The following TCF12 variants were observed in gnomAD, a reference collection of about 807,000 sequenced individuals.
TCF12 encodes the protein DNA-binding protein HTF4.
In TCF12, 45 loss-of-function variants were observed where a neutral mutation model predicts 86.0. That is an observed-to-expected ratio of 0.52 (90% confidence interval 0.41 to 0.67). The LOEUF (loss-of-function observed/expected upper bound fraction) is 0.67. TCF12 is among the 30% of genes least tolerant of loss of function. The probability of loss-of-function intolerance (pLI) is 0.00; values close to 1 mark genes in which losing one functional copy is unlikely to be tolerated. For missense variants in TCF12, 881 were observed against 859.9 expected (o/e 1.02, Z -0.31); for synonymous variants, 330 against 299.6 (o/e 1.10, Z -1.05).
At chr15:56,940,938 T>A (rs2060741083) in intron 3 of TCF12, among the ~76,000 whole-genome samples, 1 of 150,630 alleles carries the variant, frequency 6.6e-6, no homozygotes, top group East Asian at 2.0e-4. Flanking sequence ...TTTTTTCTTT[T>A]TGGGTAGAGA....
intron 5 of TCF12, among the ~76,000 whole-genome samples, chr15:57,144,465 C>G (rs978454546): frequency 1.1e-4 from 17 of 152,332 alleles, no homozygotes; most frequent in Non-Finnish European, 2.2e-4. Context: ...AAACAAGTAG[C>G]ATTTAATTAC....
intron 3 of TCF12, among the ~76,000 whole-genome samples, chr15:56,965,018 T>A (rs1671610992): frequency 6.6e-6 from 1 of 152,128 alleles, no homozygotes; most frequent in Non-Finnish European, 1.5e-5. Flanking sequence ...ATCCAGAAAA[T>A]GATTTAGGTG....
chr15:57,006,645 G>A (rs559680537), intron 3 of TCF12, among the ~76,000 whole-genome samples: 3 of 152,180 alleles, frequency 2.0e-5, no homozygotes, highest in Admixed American at 2.0e-4. Flanking sequence ...GGCTGGGTGT[G>A]GTGGCTCGTG....
At chr15:57,161,438 T>C (rs1225590368) in intron 5 of TCF12, among the ~76,000 whole-genome samples, 3 of 152,248 alleles carry the variant, frequency 2.0e-5, no homozygotes, top group Non-Finnish European at 4.4e-5. Context: ...GAGCAATTTT[T>C]AGTTTAGGTC....
chr15:56,969,810 C>T (rs1388599257), intron 3 of TCF12, among the ~76,000 whole-genome samples: 1 of 152,048 alleles, frequency 6.6e-6, no homozygotes, highest in Non-Finnish European at 1.5e-5. Flanking sequence ...CAAATTTAAT[C>T]TGTGGGATTG....
At chr15:57,064,812 A>AAAAAAAAAAAAAAAAAAAAAAAAG (rs554263213) in intron 4 of TCF12, among the ~76,000 whole-genome samples, 1 of 123,420 alleles carries the variant, frequency 8.1e-6, no homozygotes, top group African/African-American at 2.9e-5. Flanking sequence ...AAAAAAAAAA[A>AAAAAAAAAAAAAAAAAAAAAAAAG]AGAGAGAGAG....
chr15:57,122,398 G>C (rs956932549), intron 5 of TCF12, among the ~76,000 whole-genome samples: 1 of 152,084 alleles, frequency 6.6e-6, no homozygotes, highest in Non-Finnish European at 1.5e-5. Flanking sequence ...ATATATACTA[G>C]TAACTACAGT....
At chr15:57,136,473 G>T (rs17819946) in intron 5 of TCF12, among the ~76,000 whole-genome samples, 1,697 of 152,284 alleles carry the variant, frequency 0.011, 17 homozygotes, top group Non-Finnish European at 0.016. Flanking sequence ...CATGATTTAA[G>T]TCACAGCTTT....
chr15:57,043,483 T>A (rs996049773), intron 3 of TCF12, among the ~76,000 whole-genome samples: 3 of 152,180 alleles, frequency 2.0e-5, no homozygotes, highest in Non-Finnish European at 2.9e-5. Context: ...ATAATAGTCA[T>A]CCTAATGGGT....
intron 8 of TCF12, 55 bp downstream of exon 8, chr15:57,197,880 CG>C (rs2057350534): frequency 8.3e-6 from 13 of 1,559,440 alleles, no homozygotes; most frequent in Non-Finnish European, 1.1e-5. Flanking sequence ...TCAAGTGTTC[CG>C]TATTACCTTG....
intron 3 of TCF12, among the ~76,000 whole-genome samples, chr15:57,008,819 G>A (rs1367975042): frequency 2.0e-5 from 3 of 152,086 alleles, no homozygotes; most frequent in Admixed American, 2.0e-4. Flanking sequence ...AAGCAAAATT[G>A]TAGATAATGC....
intron 11 of TCF12, among the ~76,000 whole-genome samples, chr15:57,233,345 T>A (rs1430061343): frequency 6.6e-6 from 1 of 151,590 alleles, no homozygotes; most frequent in Non-Finnish European, 1.5e-5. Flanking sequence ...TCAGCTAATT[T>A]TTTTTTACTT....
At chr15:57,254,496 G>T (rs570747482) in intron 16 of TCF12, among the ~76,000 whole-genome samples, 1 of 152,074 alleles carries the variant, frequency 6.6e-6, no homozygotes, top group South Asian at 2.1e-4. Flanking sequence ...TTGAAAATCA[G>T]TCTCCTTTTA....
chr15:56,931,953 T>G (rs1031395449), intron 3 of TCF12, among the ~76,000 whole-genome samples: 4 of 152,130 alleles, frequency 2.6e-5, no homozygotes, highest in Admixed American at 1.3e-4. Context: ...CCACTTAAAG[T>G]TTGTAGGGGT....
intron 3 of TCF12, among the ~76,000 whole-genome samples, chr15:56,971,722 T>C (rs1272169069): frequency 1.3e-5 from 2 of 152,232 alleles, no homozygotes; most frequent in Admixed American, 6.5e-5. Flanking sequence ...ATGAATTGTT[T>C]CTGGAATTTT....
chr15:57,166,376 A>G lies in TCF12; in HGVS notation c.326-26A>G, dbSNP rs1555524745. The stretch of plus-strand genomic sequence containing the variant: ...TCTGTCAATAAATGAAGGGTTTTAT[A>G]TAAAGTTAATTTCTTTGTTTTATAG... On this transcript the variant is annotated intron_variant, in intron 5 of 20. Coordinates refer to ENST00000333725, the MANE Select transcript of TCF12 (RefSeq NM_207037.2). 3.1e-6 allele frequency: 5 copies of G among 1,598,310 alleles called. No individual in the cohort carries two copies. The South Asian group carries it at 4.5e-5, about 14-fold the overall frequency.
intron 8 of TCF12, among the ~76,000 whole-genome samples, chr15:57,202,860 C>T (rs2057619204): frequency 6.6e-6 from 1 of 152,040 alleles, no homozygotes; most frequent in Non-Finnish European, 1.5e-5. Flanking sequence ...TATTATGTAC[C>T]TACTATAAGT....
chr15:57,259,268 C>T (rs538740449), intron 16 of TCF12, among the ~76,000 whole-genome samples: 2 of 152,212 alleles, frequency 1.3e-5, no homozygotes, highest in South Asian at 4.1e-4. Flanking sequence ...TCTAGTAAAA[C>T]CTCTCTTCAG....
intron 3 of TCF12, among the ~76,000 whole-genome samples, chr15:56,976,189 C>A (rs557811491): frequency 6.7e-6 from 1 of 149,174 alleles, no homozygotes; most frequent in Non-Finnish European, 1.5e-5. Context: ...AGAACTGTAC[C>A]GTTGGACAAC....
Sources: gnomAD v4.1 joint callset for allele counts (sites outside exome capture counted in the v4.1 genomes callset) on GRCh38, gnomAD v4.1.1 for gene constraint, MANE v1.5 for transcripts, NCBI Gene and HGNC (gene_info 2026-07-23, HGNC 2026-07-21) for gene names.